PLA2G4E: variants seen among roughly 807,000 people sequenced by gnomAD.
PLA2G4E encodes phospholipase A2 group IVE, also known as cytosolic phospholipase A2 epsilon.
A neutral mutation model predicts 109.1 loss-of-function variants in PLA2G4E; 84 were observed. The observed-to-expected ratio is 0.77, with a 90% CI of 0.65 to 0.92. The LOEUF (loss-of-function observed/expected upper bound fraction) is 0.92, where lower values mean the gene tolerates loss of function less well. PLA2G4E is among the 40% of genes least tolerant of loss of function. The probability of loss-of-function intolerance (pLI) is 0.00; values close to 1 mark genes in which losing one functional copy is unlikely to be tolerated. For synonymous variants in PLA2G4E, 469 were observed against 436.1 expected, an observed-to-expected ratio of 1.08 and a Z score of -0.94; for missense variants, 1,057 against 1,076.6, an observed-to-expected ratio of 0.98 and a Z score of 0.25.
intron 1 of PLA2G4E, chr15:42,050,457 C>T (rs986392719): frequency 3.0e-5 from 44 of 1,480,240 alleles, no homozygotes; most frequent in Middle Eastern, 1.7e-4. Flanking sequence ...GATCTTATTC[C>T]GAGTCAGGAA....
chr15:42,033,810 G>C (rs1249514612), intron 1 of PLA2G4E, among the ~76,000 whole-genome samples: 2 of 152,204 alleles, frequency 1.3e-5, no homozygotes, highest in Non-Finnish European at 2.9e-5. Flanking sequence ...GGGTGGAGTG[G>C]GCCCTGGTGG....
intron 18 of PLA2G4E, among the ~76,000 whole-genome samples, chr15:41,985,255 C>A (rs1213653524): frequency 6.6e-6 from 1 of 152,214 alleles, no homozygotes; most frequent in African/African-American, 2.4e-5. Context: ...TACCCATTTA[C>A]AAACTTAGAT....
At chr15:42,046,615 T>C (rs1889421077) in intron 1 of PLA2G4E, among the ~76,000 whole-genome samples, 1 of 152,242 alleles carries the variant, frequency 6.6e-6, no homozygotes, top group South Asian at 2.1e-4. Flanking sequence ...AATAGTCAGA[T>C]ATTTATTTAC....
chr15:41,995,330 C>T (rs369943404), intron 12 of PLA2G4E, 30 bp downstream of exon 12: 1 of 1,603,820 alleles, frequency 6.2e-7, no homozygotes, highest in Admixed American at 1.7e-5. Context: ...TTGCCCTGGG[C>T]TCCACAGACA....
chr15:41,987,715 T>C (rs996560801), intron 16 of PLA2G4E, among the ~76,000 whole-genome samples: 1 of 152,134 alleles, frequency 6.6e-6, no homozygotes, highest in Non-Finnish European at 1.5e-5. Flanking sequence ...GCCTTGGCGC[T>C]GGTGTCACTC....
chr15:42,000,393 T>TG, intron 7 of PLA2G4E, 111 bp from the exon 8 acceptor site: 1 of 1,034,130 alleles, frequency 9.7e-7, no homozygotes, highest in Non-Finnish European at 1.4e-6. Flanking sequence ...TAGAATCACC[T>TG]GGGGCACCAG....
chr15:42,031,816 C>T (rs1291114428), intron 1 of PLA2G4E, among the ~76,000 whole-genome samples: 1 of 152,182 alleles, frequency 6.6e-6, no homozygotes, highest in Non-Finnish European at 1.5e-5. Context: ...CTGGGTTTCT[C>T]CTAGTTCCAC....
chr15:42,002,556 C>A (rs1215026845), intron 6 of PLA2G4E, 98 bp downstream of exon 6: 6 of 1,360,934 alleles, frequency 4.4e-6, no homozygotes, highest in African/African-American at 1.5e-5. Context: ...AGGACAGAGA[C>A]CAAGCTGGGC....
intron 7 of PLA2G4E, among the ~76,000 whole-genome samples, 164 bp from the exon 8 acceptor site, chr15:42,000,446 G>T (rs1441842768): frequency 1.3e-5 from 2 of 152,188 alleles, no homozygotes; most frequent in African/African-American, 2.4e-5. Context: ...GTAGGGCAGG[G>T]CCCAGGAACC....
intron 6 of PLA2G4E, among the ~76,000 whole-genome samples, chr15:42,001,586 C>G (rs575808201): frequency 1.3e-5 from 2 of 152,360 alleles, no homozygotes; most frequent in East Asian, 1.9e-4. Context: ...GCAGATCATA[C>G]TCCTTTGCCA....
chr15:42,024,458 G>T (rs1441901256), intron 1 of PLA2G4E, among the ~76,000 whole-genome samples: 1 of 152,228 alleles, frequency 6.6e-6, no homozygotes, highest in East Asian at 1.9e-4. Context: ...CTCCAGGCCT[G>T]TCGCCAGGCT....
intron 1 of PLA2G4E, among the ~76,000 whole-genome samples, chr15:42,024,135 AGGG>A (rs2068672299): frequency 2.6e-5 from 3 of 115,116 alleles, no homozygotes; most frequent in African/African-American, 1.3e-4. Flanking sequence ...GTGGGATGGG[AGGG>A]GAGCAGAGCA....
At chr15:42,045,146 T>A (rs998450463) in intron 1 of PLA2G4E, among the ~76,000 whole-genome samples, 3 of 150,734 alleles carry the variant, frequency 2.0e-5, no homozygotes, top group Admixed American at 1.3e-4. Flanking sequence ...CGGTGGGGAG[T>A]CTCAGGGGGC....
At chr15:41,987,236 G>T in exon 17 of PLA2G4E, 2 of 1,614,046 alleles carry the variant, frequency 1.2e-6, no homozygotes, top group Non-Finnish European at 1.7e-6. Flanking sequence ...CAGACAGGAA[G>T]TTGTGAAACT....
intron 13 of PLA2G4E, 75 bp downstream of exon 13, chr15:41,992,662 T>A: frequency 1.4e-6 from 2 of 1,442,490 alleles, no homozygotes; most frequent in Non-Finnish European, 1.9e-6. Flanking sequence ...ATGGAAGTCC[T>A]GACTCCCCTG....
intron 12 of PLA2G4E, 35 bp from the exon 13 acceptor site, chr15:41,992,994 C>T (rs1404147366): frequency 1.9e-6 from 3 of 1,562,812 alleles, no homozygotes; most frequent in Non-Finnish European, 2.6e-6. Context: ...TAGGGCTGAC[C>T]CGGCCCCTGT....
At chr15:42,043,486 G>T (rs2141078251) in intron 1 of PLA2G4E, among the ~76,000 whole-genome samples, 1 of 147,116 alleles carries the variant, frequency 6.8e-6, no homozygotes, top group Admixed American at 7.0e-5. Context: ...GGAGTCTCTT[G>T]TCCTGGGTGG....
chr15:42,000,406 C>A, intron 7 of PLA2G4E, 124 bp from the exon 8 acceptor site: 1 of 899,508 alleles, frequency 1.1e-6, no homozygotes, highest in Non-Finnish European at 1.7e-6. Flanking sequence ...GGCACCAGTT[C>A]AAATTCCCCA....
intron 11 of PLA2G4E, 69 bp from the exon 12 acceptor site, chr15:41,995,565 G>T: frequency 6.3e-7 from 1 of 1,583,590 alleles, no homozygotes; most frequent in Non-Finnish European, 8.6e-7. Flanking sequence ...GACTTAGAAT[G>T]ACGGCAACTT....
Sources: allele counts gnomAD v4.1 joint callset (sites outside exome capture counted in the v4.1 genomes callset), GRCh38; gene constraint gnomAD v4.1.1; transcripts MANE v1.5; gene names NCBI Gene and HGNC (gene_info 2026-07-23, HGNC 2026-07-21).